The following FMR1NB variants were observed in gnomAD, a reference collection of about 807,000 sequenced individuals.
The protein encoded by FMR1NB is FMR1 neighbor.
A neutral mutation model predicts 16.8 loss-of-function variants in FMR1NB; 10 were observed. The ratio of observed to expected loss-of-function variants is 0.60; its 90% CI spans 0.37 to 1.01. The LOEUF (loss-of-function observed/expected upper bound fraction) is 1.01, where lower values mean the gene tolerates loss of function less well. Among genes scored for constraint, FMR1NB ranks in the 50% least tolerant of loss-of-function variants. The pLI is 0.01. For synonymous variants in FMR1NB, 83 were observed against 79.1 expected (o/e 1.05, Z -0.26); for missense variants, 205 against 204.8 (o/e 1.00, Z 0.00).
chrX:148,013,240 A>C (rs1189099445), intron 4 of FMR1NB, among the ~76,000 whole-genome samples: 1 of 112,185 alleles, frequency 8.9e-6, no homozygotes, highest in East Asian at 2.8e-4. Flanking sequence ...GAACTCTGGC[A>C]TAGTAGGTAC....
chrX:148,022,470 C>T (rs889303813), intron 4 of FMR1NB, among the ~76,000 whole-genome samples: 8 of 112,390 alleles, frequency 7.1e-5, no homozygotes, highest in East Asian at 5.5e-4. Flanking sequence ...GTCTCTAGTA[C>T]TTAGAATAAT....
At chrX:147,995,454 T>G (rs2044537155) in intron 1 of FMR1NB, among the ~76,000 whole-genome samples, 1 of 111,680 alleles carries the variant, frequency 9.0e-6, no homozygotes, top group Admixed American at 9.5e-5. Flanking sequence ...CCAGTTTGTA[T>G]TGTCATTTGC....
intron 4 of FMR1NB, among the ~76,000 whole-genome samples, chrX:148,010,289 G>A (rs1446469757): frequency 6.3e-5 from 7 of 111,966 alleles, no homozygotes; most frequent in Admixed American, 3.8e-4. Context: ...ATGCTCCTTC[G>A]GTCATCTTGA....
At chrX:148,026,394 A>G (rs2044703860) in intron 5 of FMR1NB, 108 bp from the exon 6 acceptor site, 2 of 111,784 alleles carry the variant, frequency 1.8e-5, no homozygotes, top group African/African-American at 6.5e-5. Context: ...AACATTCACT[A>G]TATAGAATTT....
intron 1 of FMR1NB, among the ~76,000 whole-genome samples, chrX:148,002,836 A>G (rs782306222): frequency 1.7e-4 from 19 of 112,089 alleles, no homozygotes; most frequent in Non-Finnish European, 3.6e-4. Flanking sequence ...GTAAGCCAAC[A>G]TATTTTCCAA....
chrX:148,011,220 C>T (rs1557189587), intron 4 of FMR1NB, among the ~76,000 whole-genome samples: 3 of 109,987 alleles, frequency 2.7e-5, no homozygotes, highest in Admixed American at 9.8e-5. Context: ...GCCGAGATCG[C>T]GTCACTGCAC....
At chrX:147,996,570 C>A (rs1190230068) in intron 1 of FMR1NB, among the ~76,000 whole-genome samples, 1 of 110,320 alleles carries the variant, frequency 9.1e-6, no homozygotes, top group African/African-American at 3.3e-5. Flanking sequence ...ATCTATTAGA[C>A]CTCACACCAC....
chrX:147,997,748 A>G (rs1557188290), intron 1 of FMR1NB, among the ~76,000 whole-genome samples: 1 of 111,697 alleles, frequency 9.0e-6, no homozygotes, highest in Non-Finnish European at 1.9e-5. Flanking sequence ...CAAGGAGCTT[A>G]AACAAATTTA....
chrX:147,989,950 AC>A (rs1298549242), intron 1 of FMR1NB, among the ~76,000 whole-genome samples: 2 of 108,575 alleles, frequency 1.8e-5, no homozygotes, highest in African/African-American at 6.7e-5. Flanking sequence ...TGGGAGTTGG[AC>A]CCACTGGCTT....
intron 1 of FMR1NB, among the ~76,000 whole-genome samples, chrX:147,991,552 C>T (rs1333020696): frequency 3.6e-5 from 4 of 110,210 alleles, no homozygotes; most frequent in Non-Finnish European, 7.6e-5. Flanking sequence ...GCTCAAAGGC[C>T]TCCTTCCCTC....
intron 4 of FMR1NB, among the ~76,000 whole-genome samples, chrX:148,011,294 AT>A (rs2044623415): frequency 9.1e-6 from 1 of 109,365 alleles, no homozygotes; most frequent in South Asian, 3.9e-4. Flanking sequence ...CAAAAAAAAA[AT>A]GTGAAGCAAT....
chrX:147,981,732 G>A (rs1322314055), intron 1 of FMR1NB, 53 bp downstream of exon 1: 4 of 828,350 alleles, frequency 4.8e-6, no homozygotes, highest in Middle Eastern at 4.5e-4. Context: ...GGGAGGGGGA[G>A]GGAGAGGGGG....
At chrX:147,984,090 C>A (rs1386235947) in intron 1 of FMR1NB, among the ~76,000 whole-genome samples, 2 of 112,257 alleles carry the variant, frequency 1.8e-5, no homozygotes, top group East Asian at 5.6e-4. Context: ...TATCTCTATG[C>A]TGGTACCACA....
intron 1 of FMR1NB, among the ~76,000 whole-genome samples, chrX:147,982,689 C>T (rs1197134716): frequency 2.8e-5 from 3 of 107,469 alleles, no homozygotes; most frequent in Non-Finnish European, 5.8e-5. Context: ...GTCAGGAGAT[C>T]GAGACCATCC....
intron 4 of FMR1NB, among the ~76,000 whole-genome samples, chrX:148,016,727 A>C: frequency 8.9e-6 from 1 of 111,733 alleles, no homozygotes; most frequent in Non-Finnish European, 1.9e-5. Context: ...ACAGTCAACA[A>C]AAAGGCAACT....
intron 1 of FMR1NB, among the ~76,000 whole-genome samples, chrX:147,992,300 C>G (rs782709422): frequency 2.5e-5 from 2 of 80,028 alleles, no homozygotes; most frequent in Non-Finnish European, 4.7e-5. Flanking sequence ...TGACCCCCCC[C>G]ACCTCCCTCC....
chrX:147,989,580 C>T (rs2044493585), intron 1 of FMR1NB, among the ~76,000 whole-genome samples: 1 of 112,065 alleles, frequency 8.9e-6, no homozygotes, highest in African/African-American at 3.2e-5. Context: ...TCAGAAGTGG[C>T]AGGCAGGAAC....
intron 1 of FMR1NB, among the ~76,000 whole-genome samples, chrX:147,989,001 A>C (rs1557187335): frequency 9.0e-6 from 1 of 111,584 alleles, no homozygotes; most frequent in Non-Finnish European, 1.9e-5. Context: ...TCTGAAGCCT[A>C]CTTTGTCAAA....
chrX:147,993,381 GA>G (rs1484997368), intron 1 of FMR1NB, among the ~76,000 whole-genome samples: 8 of 105,807 alleles, frequency 7.6e-5, no homozygotes, highest in African/African-American at 2.7e-4. Flanking sequence ...GGTTCCGCAT[GA>G]GAGGGAGACC....
Sources: allele counts gnomAD v4.1 joint callset (sites outside exome capture counted in the v4.1 genomes callset), GRCh38; gene constraint gnomAD v4.1.1; transcripts MANE v1.5; gene names NCBI Gene and HGNC (gene_info 2026-07-23, HGNC 2026-07-21).